The following OR51B5 variants were observed in gnomAD, a reference collection of about 807,000 sequenced individuals.
The protein encoded by OR51B5 is olfactory receptor 51B5.
For synonymous variants in OR51B5, 186 were observed against 144.8 expected, an observed-to-expected ratio of 1.28 and a Z score of -2.04; for missense variants, 456 against 374.6, an observed-to-expected ratio of 1.22 and a Z score of -1.79.
intron 1 of OR51B5, among the ~76,000 whole-genome samples, chr11:5,459,587 T>C (rs569682818): frequency 4.6e-5 from 6 of 131,412 alleles, no homozygotes; most frequent in Non-Finnish European, 7.4e-5. Context: ...CAGACACTTC[T>C]CAAAAGAAGA....
At chr11:5,490,038 T>G (rs1457816704) in intron 1 of OR51B5, among the ~76,000 whole-genome samples, 1 of 152,208 alleles carries the variant, frequency 6.6e-6, no homozygotes, top group Non-Finnish European at 1.5e-5. Flanking sequence ...TGAGTCTGAA[T>G]TCCACCACTT....
upstream of OR51B5, among the ~76,000 whole-genome samples, chr11:5,346,513 T>C (rs540315600): frequency 1.3e-5 from 2 of 152,232 alleles, no homozygotes; most frequent in South Asian, 2.1e-4. Context: ...AATTTTTCTC[T>C]GCTTTGTTTA....
intron 1 of OR51B5, among the ~76,000 whole-genome samples, chr11:5,397,342 TCAAA>T (rs1849891791): frequency 6.6e-6 from 1 of 151,554 alleles, no homozygotes; most frequent in East Asian, 1.9e-4. Flanking sequence ...TACAATGAAC[TCAAA>T]CAAATTTACA....
chr11:5,490,141 T>C (rs1851561185), intron 1 of OR51B5, among the ~76,000 whole-genome samples: 4 of 152,204 alleles, frequency 2.6e-5, no homozygotes. Context: ...TTGAGCATGT[T>C]TGAAATGTTT....
At position 5,351,213 on chromosome 11, in the gene OR51B5, G is replaced by T. The variant is rs542139171; in HGVS notation, n.85-4303C>A. Among the ~76,000 whole-genome samples the T allele has an allele frequency of 9.2e-5, 14 of 152,202 alleles. No individual in the cohort carries two copies. The South Asian group carries it at 1.9e-3, about 20-fold the overall frequency. On this transcript the variant is annotated intron_variant and non_coding_transcript_variant, in intron 1 of 4. Transcript: ENST00000415970. The stretch of plus-strand genomic sequence containing the variant: ...CTTTCATTTTGTTTTTATTTTCTGG[G>T]TTATATGATTTACAATGAATTCAAC...
At chr11:5,504,779 A>AACT (rs1846349133) in intron 1 of OR51B5, among the ~76,000 whole-genome samples, 1 of 152,172 alleles carries the variant, frequency 6.6e-6, no homozygotes, top group Non-Finnish European at 1.5e-5. Flanking sequence ...GCCCTACCTT[A>AACT]GCTGCTAGGT....
chr11:5,447,093 C>A (rs1850777850), intron 1 of OR51B5, among the ~76,000 whole-genome samples: 1 of 152,122 alleles, frequency 6.6e-6, no homozygotes, highest in Admixed American at 6.6e-5. Flanking sequence ...AAAATGAAAG[C>A]CCCTAGGAGA....
chr11:5,351,737 CCA>C, intron 1 of OR51B5: 1 of 1,613,928 alleles, frequency 6.2e-7, no homozygotes, highest in Non-Finnish European at 8.5e-7. Context: ...ACCACAATGC[CCA>C]CAGTGCTAGG....
chr11:5,437,212 A>AC (rs1850606504), intron 1 of OR51B5, among the ~76,000 whole-genome samples: 1 of 151,520 alleles, frequency 6.6e-6, no homozygotes, highest in South Asian at 2.1e-4. Context: ...TCATAGCAAC[A>AC]CCCCCCACAG....
intron 1 of OR51B5, among the ~76,000 whole-genome samples, chr11:5,466,212 T>C (rs1564822735): frequency 6.6e-6 from 1 of 152,210 alleles, no homozygotes; most frequent in African/African-American, 2.4e-5. Context: ...TTTGAACAAA[T>C]ATATTTTATT....
intron 1 of OR51B5, among the ~76,000 whole-genome samples, chr11:5,445,716 A>C (rs1178517243): frequency 6.6e-6 from 1 of 151,420 alleles, no homozygotes; most frequent in Non-Finnish European, 1.5e-5. Context: ...TCTAGTGTGC[A>C]TGTAAGACTT....
At chr11:5,438,370 T>C (rs1850621962) in intron 1 of OR51B5, among the ~76,000 whole-genome samples, 1 of 149,338 alleles carries the variant, frequency 6.7e-6, no homozygotes, top group Non-Finnish European at 1.5e-5. Context: ...CCCCCAGTTA[T>C]CCAGTCTCAA....
chr11:5,413,274 A>C (rs1236052404), intron 1 of OR51B5, among the ~76,000 whole-genome samples: 1 of 152,140 alleles, frequency 6.6e-6, no homozygotes, highest in East Asian at 1.9e-4. Context: ...TCCACACCAA[A>C]AACCCATCTG....
chr11:5,347,719 C>T (rs528715326), upstream of OR51B5, among the ~76,000 whole-genome samples: 1 of 151,934 alleles, frequency 6.6e-6, no homozygotes, highest in Non-Finnish European at 1.5e-5. Flanking sequence ...AAGCCCAATA[C>T]CCACAAGGCT....
chr11:5,477,866 C>A (rs1739145046), intron 1 of OR51B5, among the ~76,000 whole-genome samples: 1 of 152,258 alleles, frequency 6.6e-6, no homozygotes, highest in South Asian at 2.1e-4. Context: ...GTCCTACGCC[C>A]ACGGAGTCTC....
intron 1 of OR51B5, chr11:5,389,470 C>G: frequency 6.2e-7 from 1 of 1,613,958 alleles, no homozygotes; most frequent in South Asian, 1.1e-5. Flanking sequence ...GCCCCATATT[C>G]TATCTCACCA....
At chr11:5,406,716 G>C (rs1226614787) in intron 1 of OR51B5, among the ~76,000 whole-genome samples, 1 of 152,116 alleles carries the variant, frequency 6.6e-6, no homozygotes, top group African/African-American at 2.4e-5. Flanking sequence ...AGTTTTAAAT[G>C]ACTTGAGAGA....
chr11:5,445,667 C>A (rs1850749568), intron 1 of OR51B5, among the ~76,000 whole-genome samples: 1 of 151,200 alleles, frequency 6.6e-6, no homozygotes, highest in African/African-American at 2.4e-5. Flanking sequence ...ATGTTATAAA[C>A]ATATTTCACA....
intron 1 of OR51B5, among the ~76,000 whole-genome samples, chr11:5,436,737 G>A (rs1172470519): frequency 6.6e-6 from 1 of 152,138 alleles, no homozygotes; most frequent in Non-Finnish European, 1.5e-5. Context: ...AGATACAGAG[G>A]CATGATGAGA....
Sources: allele counts gnomAD v4.1 joint callset (sites outside exome capture counted in the v4.1 genomes callset), GRCh38; gene constraint gnomAD v4.1.1; transcripts MANE v1.5; gene names NCBI Gene and HGNC (gene_info 2026-07-23, HGNC 2026-07-21).